Variants in NDUFA10 observed in about 807,000 individuals in gnomAD.
NDUFA10 encodes the protein NADH dehydrogenase [ubiquinone] 1 alpha subcomplex subunit 10, mitochondrial.
NDUFA10 carries 40 observed loss-of-function variants against 47.8 expected under a neutral mutation model. The ratio of observed to expected loss-of-function variants is 0.84; its 90% confidence interval spans 0.65 to 1.09. The LOEUF (loss-of-function observed/expected upper bound fraction) is 1.09. NDUFA10 is among the 50% of genes least tolerant of loss of function. The pLI is 0.00. For missense variants in NDUFA10, 413 were observed against 451.1 expected (o/e 0.92, Z 0.76); for synonymous variants, 183 against 172.2 (o/e 1.06, Z -0.49).
chr2:239,939,745 G>A (rs994231628), intron 4 of NDUFA10, among the ~76,000 whole-genome samples: 3 of 152,210 alleles, frequency 2.0e-5, no homozygotes, highest in Admixed American at 6.5e-5. Flanking sequence ...AAATCCAGGG[G>A]CTACCAGGCA....
intron 9 of NDUFA10, among the ~76,000 whole-genome samples, chr2:239,962,984 G>A (rs1366383694): frequency 1.3e-5 from 2 of 152,082 alleles, no homozygotes; most frequent in Non-Finnish European, 2.9e-5. Context: ...CTCCAACAGG[G>A]GATCAGATTT....
chr2:239,901,845 G>C (rs1480295732), intron 4 of NDUFA10, among the ~76,000 whole-genome samples: 2 of 152,028 alleles, frequency 1.3e-5, no homozygotes, highest in African/African-American at 4.8e-5. Flanking sequence ...GACTTAAGGG[G>C]TTCAAGACTT....
At position 239,928,170 on chromosome 2, in the gene NDUFA10, T is replaced by C. The variant is rs13424858; in HGVS notation, c.295-32856A>G. ...GGTCTGTACAAAGATTCCAGGACTT[T>C]AAAAAAAAAATAACAAAAGAAGAAA... On this transcript the variant is annotated intron_variant, in intron 4 of 5. Coordinates refer to the NDUFA10 transcript ENST00000419408. This position sits in a 1 kb window ranked among gnomAD's most constrained non-coding sequence, Gnocchi z 4.3. 0.2 allele frequency among the ~76,000 whole-genome samples: 29,813 copies of C among 148,708 alleles called. 3,432 individuals are homozygous for C. Among genetic ancestry groups the C allele is most frequent in the African/African-American group, 0.33 (13,251 of 40,558 alleles).
At chr2:239,924,256 A>T (rs532160691) in intron 4 of NDUFA10, among the ~76,000 whole-genome samples, 1 of 152,136 alleles carries the variant, frequency 6.6e-6, no homozygotes, top group Non-Finnish European at 1.5e-5. Flanking sequence ...AATGAAAAAT[A>T]TCAATATCCT....
At chr2:239,920,474 T>C (rs1693951708) in intron 4 of NDUFA10, among the ~76,000 whole-genome samples, 1 of 152,196 alleles carries the variant, frequency 6.6e-6, no homozygotes, top group African/African-American at 2.4e-5. Flanking sequence ...ATCAAAAGGC[T>C]TCAGCAGCCA....
downstream of NDUFA10, among the ~76,000 whole-genome samples, chr2:239,956,950 C>T (rs906702159): frequency 6.6e-6 from 1 of 152,154 alleles, no homozygotes; most frequent in African/African-American, 2.4e-5. Context: ...CTCCCTGACG[C>T]GTGTGGAGCA....
chr2:239,985,953 C>A (rs971485061), intron 9 of NDUFA10, among the ~76,000 whole-genome samples: 1 of 149,822 alleles, frequency 6.7e-6, no homozygotes, highest in Non-Finnish European at 1.5e-5. Context: ...ACAATGAACA[C>A]CAGCCAAAGG....
chr2:239,963,511 A>G (rs1347674776), intron 9 of NDUFA10, among the ~76,000 whole-genome samples: 1 of 152,208 alleles, frequency 6.6e-6, no homozygotes, highest in Non-Finnish European at 1.5e-5. Context: ...ACCGGGGAGC[A>G]GTGACGGGCA....
chr2:239,904,695 G>A (rs1693615506), intron 4 of NDUFA10, among the ~76,000 whole-genome samples: 1 of 152,222 alleles, frequency 6.6e-6, no homozygotes, highest in Admixed American at 6.5e-5. Flanking sequence ...CCAGCCTGGT[G>A]CATCAGTGTC....
At chr2:239,979,669 G>C (rs949869572) in intron 9 of NDUFA10, among the ~76,000 whole-genome samples, 2 of 151,998 alleles carry the variant, frequency 1.3e-5, no homozygotes, top group African/African-American at 4.8e-5. Flanking sequence ...GACCCTCCCT[G>C]ACCGCCTTGG....
intron 3 of NDUFA10, among the ~76,000 whole-genome samples, chr2:240,020,342 C>G (rs986201489): frequency 6.6e-6 from 1 of 152,200 alleles, no homozygotes; most frequent in African/African-American, 2.4e-5. Flanking sequence ...AAGAGTCCAC[C>G]CATCTCCCTC....
chr2:239,983,577 C>A, intron 9 of NDUFA10: 1 of 1,596,866 alleles, frequency 6.3e-7, no homozygotes, highest in Non-Finnish European at 8.5e-7. Context: ...GGAAGAGCAG[C>A]TTCCAGTGGA....
intron 1 of NDUFA10, among the ~76,000 whole-genome samples, chr2:240,023,986 C>T (rs1286613426): frequency 6.6e-6 from 1 of 152,230 alleles, no homozygotes; most frequent in Non-Finnish European, 1.5e-5. Context: ...CCGACAGCCC[C>T]GCATGCTGGC....
At position 239,960,144 on chromosome 2, in the gene NDUFA10, T is replaced by A; in HGVS notation, c.*974A>T. 1 of 984,122 alleles carries A rather than the reference T, an allele frequency of 1.0e-6. No homozygotes were observed. The highest frequency in any genetic ancestry group is 4.7e-5 in the South Asian group (1 of 21,284). The allele number at this position is 984,122 out of a possible 1,614,324, so 61.0% of individuals were successfully genotyped here. Reference sequence around the variant, plus strand: ...GAGCTTTACAGTGGAAAACCCACAGTTCAGTAGGACTCACAACTGGCAGCC... The same window carrying A: ...GAGCTTTACAGTGGAAAACCCACAGATCAGTAGGACTCACAACTGGCAGCC... On this transcript the variant is annotated 3_prime_UTR_variant, in exon 10 of 10. Coordinates refer to ENST00000252711, the MANE Select transcript of NDUFA10 (RefSeq NM_004544.4).
intron 8 of NDUFA10, among the ~76,000 whole-genome samples, chr2:240,001,113 G>A (rs1696695094): frequency 6.6e-6 from 1 of 152,154 alleles, no homozygotes; most frequent in African/African-American, 2.4e-5. Flanking sequence ...AACTGCACTG[G>A]GGCATGCACA....
intron 1 of NDUFA10, among the ~76,000 whole-genome samples, chr2:240,023,642 C>T (rs1047679465): frequency 1.3e-5 from 2 of 152,060 alleles, no homozygotes; most frequent in Non-Finnish European, 2.9e-5. Flanking sequence ...TAAGGCATAT[C>T]CATATTATGG....
chr2:240,024,066 T>C (rs1697753302), intron 1 of NDUFA10, among the ~76,000 whole-genome samples: 1 of 152,262 alleles, frequency 6.6e-6, no homozygotes, highest in Non-Finnish European at 1.5e-5. Flanking sequence ...CTCTGGAAGA[T>C]GGCTTGGCAG....
downstream of NDUFA10, among the ~76,000 whole-genome samples, chr2:239,955,154 G>T (rs967919591): frequency 2.0e-5 from 3 of 152,172 alleles, no homozygotes; most frequent in Non-Finnish European, 4.4e-5. Context: ...TTCGTGTGAA[G>T]TATACAAATA....
chr2:239,956,163 C>A (rs1262410087), downstream of NDUFA10, among the ~76,000 whole-genome samples: 1 of 152,228 alleles, frequency 6.6e-6, no homozygotes, highest in Non-Finnish European at 1.5e-5. Context: ...TGCAACCCAT[C>A]TGTCAGGAAC....
Sources: allele counts gnomAD v4.1 joint callset (sites outside exome capture counted in the v4.1 genomes callset), GRCh38; gene constraint gnomAD v4.1.1; non-coding constraint Gnocchi (gnomAD v3.1); transcripts MANE v1.5; gene names NCBI Gene and HGNC (gene_info 2026-07-23, HGNC 2026-07-21).